Variants in RBMS3 observed in about 807,000 individuals in gnomAD.
RBMS3 encodes the protein RNA-binding motif, single-stranded-interacting protein 3.
RBMS3 carries 27 observed loss-of-function variants against 66.8 expected under a neutral mutation model. The observed-to-expected ratio is 0.40, with a 90% CI of 0.30 to 0.56. The LOEUF is 0.56. RBMS3 is among the 20% of genes least tolerant of loss of function. RBMS3 has a pLI of 0.40. For missense variants in RBMS3, 513 were observed against 549.5 expected (o/e 0.93, Z 0.66); for synonymous variants, 188 against 183.0 (o/e 1.03, Z -0.22).
chr3:29,288,788 TGAATCTCA>T (rs2032573162), intron 1 of RBMS3, among the ~76,000 whole-genome samples: 2 of 151,944 alleles, frequency 1.3e-5, no homozygotes, highest in Admixed American at 1.3e-4. Context: ...CTACAATCTC[TGAATCTCA>T]GAATAGTAGC....
chr3:29,964,087 G>A (rs997893045), intron 12 of RBMS3, among the ~76,000 whole-genome samples: 1 of 152,120 alleles, frequency 6.6e-6, no homozygotes, highest in East Asian at 1.9e-4. Flanking sequence ...AATCCACCAC[G>A]AAGTGTGTTT....
chr3:29,471,987 TC>T (rs1293505243), intron 2 of RBMS3, among the ~76,000 whole-genome samples: 2 of 152,070 alleles, frequency 1.3e-5, no homozygotes, highest in African/African-American at 4.8e-5. Flanking sequence ...ATGTATCTCA[TC>T]CTCACTAGAA....
chr3:29,478,482 A>C (rs1020251380), intron 2 of RBMS3, among the ~76,000 whole-genome samples: 26 of 151,766 alleles, frequency 1.7e-4, no homozygotes, highest in Admixed American at 4.6e-4. Flanking sequence ...TGACCTAATC[A>C]CCTCCCAAAG....
chr3:29,800,731 TA>T (rs2057362576), intron 6 of RBMS3, among the ~76,000 whole-genome samples: 1 of 152,090 alleles, frequency 6.6e-6, no homozygotes, highest in African/African-American at 2.4e-5. Flanking sequence ...AAGTAAAGTG[TA>T]AAAACAAAGC....
intron 5 of RBMS3, among the ~76,000 whole-genome samples, chr3:29,757,470 G>A (rs1025057362): frequency 1.3e-5 from 2 of 152,106 alleles, no homozygotes; most frequent in African/African-American, 4.8e-5. Context: ...TTGGCCCATG[G>A]TTTCTAGTCT....
chr3:29,967,275 C>A (rs1459613548), intron 12 of RBMS3, among the ~76,000 whole-genome samples: 1 of 152,112 alleles, frequency 6.6e-6, no homozygotes, highest in African/African-American at 2.4e-5. Context: ...GGTACCAATT[C>A]TTCTTTGAAT....
At chr3:29,444,335 A>G (rs961069484) in intron 2 of RBMS3, among the ~76,000 whole-genome samples, 3 of 152,140 alleles carry the variant, frequency 2.0e-5, no homozygotes, top group African/African-American at 7.2e-5. Flanking sequence ...AAGGTCACAC[A>G]GCTGGTAATT....
intron 10 of RBMS3, chr3:29,925,072 A>G (rs893220135): frequency 2.0e-5 from 3 of 152,198 alleles, no homozygotes; most frequent in Admixed American, 6.5e-5. Context: ...TTTGAGGTAC[A>G]TGGGATTCGG....
chr3:29,772,706 C>T (rs565588754), intron 6 of RBMS3, among the ~76,000 whole-genome samples: 2 of 151,754 alleles, frequency 1.3e-5, no homozygotes, highest in Non-Finnish European at 2.9e-5. Context: ...GAAGACAGGC[C>T]AGGGTAATCA....
chr3:29,840,083 A>G (rs1367002883), intron 6 of RBMS3, among the ~76,000 whole-genome samples: 1 of 151,790 alleles, frequency 6.6e-6, no homozygotes, highest in Non-Finnish European at 1.5e-5. Context: ...CTATATCTGC[A>G]CTTTTAATAT....
chr3:29,538,136 T>A (rs921151316), intron 3 of RBMS3, among the ~76,000 whole-genome samples: 1 of 152,144 alleles, frequency 6.6e-6, no homozygotes, highest in Non-Finnish European at 1.5e-5. Context: ...GAAAGCACTA[T>A]AGACTTACAT....
At chr3:29,365,149 T>C (rs927398817) in intron 1 of RBMS3, among the ~76,000 whole-genome samples, 3 of 152,150 alleles carry the variant, frequency 2.0e-5, no homozygotes, top group African/African-American at 7.2e-5. Context: ...TGTGTGGAAA[T>C]TATTGCATAA....
chr3:29,603,936 T>G (rs1187514696), intron 4 of RBMS3, among the ~76,000 whole-genome samples: 7 of 151,930 alleles, frequency 4.6e-5, no homozygotes. Context: ...AGAGCCCTGG[T>G]TCTCAACTGC....
At chr3:29,516,720 G>C (rs553912964) in intron 3 of RBMS3, among the ~76,000 whole-genome samples, 2 of 152,092 alleles carry the variant, frequency 1.3e-5, no homozygotes, top group Non-Finnish European at 2.9e-5. Context: ...ACCTGGCCAA[G>C]GAGAGGAACT....
At chr3:29,371,609 T>C (rs1338291145) in intron 1 of RBMS3, among the ~76,000 whole-genome samples, 2 of 152,228 alleles carry the variant, frequency 1.3e-5, no homozygotes, top group Non-Finnish European at 2.9e-5. Flanking sequence ...TGTATGAGTG[T>C]ATATGAGAAC....
chr3:29,299,383 G>A (rs1234692430), intron 1 of RBMS3, among the ~76,000 whole-genome samples: 1 of 151,830 alleles, frequency 6.6e-6, no homozygotes, highest in Non-Finnish European at 1.5e-5. Context: ...TAATTTTGGG[G>A]TAGGGAGTGG....
intron 2 of RBMS3, among the ~76,000 whole-genome samples, chr3:29,446,319 T>C (rs1222859564): frequency 6.8e-6 from 1 of 146,292 alleles, no homozygotes; most frequent in Non-Finnish European, 1.6e-5. Flanking sequence ...AATTCATATT[T>C]TTATATAGCA....
chr3:29,907,839 A>G (rs2060417750), intron 10 of RBMS3, among the ~76,000 whole-genome samples: 1 of 152,098 alleles, frequency 6.6e-6, no homozygotes, highest in Non-Finnish European at 1.5e-5. Context: ...ACCCAAGACT[A>G]TCTTAGTTTT....
chr3:29,504,874 C>G (rs987223173), intron 3 of RBMS3, among the ~76,000 whole-genome samples: 3 of 152,094 alleles, frequency 2.0e-5, no homozygotes, highest in Non-Finnish European at 2.9e-5. Context: ...TACCTGTCGG[C>G]TCTTTGTATG....
Sources: allele counts gnomAD v4.1 joint callset (sites outside exome capture counted in the v4.1 genomes callset), GRCh38; gene constraint gnomAD v4.1.1; transcripts MANE v1.5; gene names NCBI Gene and HGNC (gene_info 2026-07-23, HGNC 2026-07-21).